The following COL18A1 variants were observed in gnomAD, a reference collection of about 807,000 sequenced individuals.
COL18A1 encodes the protein collagen type XVIII alpha 1 chain, also known as collagen alpha-1(XVIII) chain.
In COL18A1, 133 loss-of-function variants were observed where a neutral mutation model predicts 168.0. That is an observed-to-expected ratio of 0.79 (90% CI 0.69 to 0.91). COL18A1 has a LOEUF of 0.91. Among genes scored for constraint, COL18A1 ranks in the 40% least tolerant of loss-of-function variants. The pLI is 0.00. For synonymous variants in COL18A1, 949 were observed against 809.0 expected, an observed-to-expected ratio of 1.17 and a Z score of -2.94; for missense variants, 2,126 against 1,925.4, an observed-to-expected ratio of 1.10 and a Z score of -1.95.
At position 45,455,681 on chromosome 21, in the gene COL18A1, CCCCTGCCTGT is replaced by C. The variant is rs762647237; in HGVS notation, c.107-12560_107-12551del. 6.2e-7 allele frequency: 1 copy of C among 1,613,662 alleles called. No homozygotes were observed. The highest frequency in any genetic ancestry group is 8.5e-7 in the Non-Finnish European group (1 of 1,179,764). On this transcript the variant is annotated intron_variant, in intron 2 of 41. Transcript: ENST00000651438. ...TACCACGATCCCTGAGCCCCAGGGG[CCCCTGCCTGT>C]GCAGCCCACAGCAGATACCACCACA... is the stretch of plus-strand genomic sequence containing the variant.
At chr21:45,434,843 G>A (rs952120155) in intron 2 of COL18A1, among the ~76,000 whole-genome samples, 10 of 152,344 alleles carry the variant, frequency 6.6e-5, no homozygotes, top group African/African-American at 2.4e-4. Context: ...CTTTTGGGCT[G>A]TGCTGGGGTC....
chr21:45,456,877 T>A, intron 2 of COL18A1: 1 of 1,441,064 alleles, frequency 6.9e-7, no homozygotes, highest in Non-Finnish European at 9.1e-7. Context: ...TTGGGCCGGC[T>A]GCAGGTAACT....
intron 17 of COL18A1, 160 bp downstream of exon 17, chr21:45,487,669 C>G: frequency 1.1e-6 from 1 of 895,446 alleles, no homozygotes; most frequent in Non-Finnish European, 1.8e-6. Flanking sequence ...CGCGGGCCAC[C>G]CTTGTTCTTC....
rs2230687 is a variant in COL18A1, at chr21:45,476,389, C to T, written c.837C>T (p.Pro279=). The T allele has an allele frequency of 9.9e-6, 16 of 1,613,678 alleles. No individual in the cohort carries two copies. Among genetic ancestry groups the T allele is most frequent in the South Asian group, 3.3e-5 (3 of 91,048 alleles). The part of the protein sequence containing the change: ...ALKPRLPAPP[P]VTTPPLAGGS... ...AACCCAGGCTCCCCGCGCCACCCCC[C>T]GTCACCACGCCACCCTTGGCTGGAG... is the stretch of plus-strand genomic sequence containing the variant. The change falls in exon 6 of 42, where the codon CCC becomes CCT. Residue 279 remains proline (P), a synonymous_variant. Coordinates refer to ENST00000651438, the MANE Select transcript of COL18A1 (RefSeq NM_001379500.1).
At chr21:45,480,442 G>T in intron 11 of COL18A1, 25 bp from the exon 12 acceptor site, 1 of 1,614,102 alleles carries the variant, frequency 6.2e-7, no homozygotes, top group Non-Finnish European at 8.5e-7. Flanking sequence ...TCAGGGCAAC[G>T]TGTCTCTCCG....
chr21:45,504,330 G>T, intron 33 of COL18A1, 86 bp from the exon 34 acceptor site: 1 of 1,405,018 alleles, frequency 7.1e-7, no homozygotes, highest in Admixed American at 2.0e-5. Flanking sequence ...GCTTCTGACT[G>T]CCCAGCCCTG....
At position 45,477,466 on chromosome 21, in the gene COL18A1, C is replaced by T. The variant is rs563744859; in HGVS notation, c.984C>T (p.Thr328=). ...CCACGTGGGACGGGAGTGTCCGGAC[C>T]CCTGGGGGCCGCGTGAAAGAGGTAA... ...SVSTWDGSVR[T]PGGRVKEGGL... Residue 328 remains threonine, a synonymous_variant, in exon 7 of 42, where the codon ACC becomes ACT. Coordinates refer to ENST00000651438, the MANE Select transcript of COL18A1 (RefSeq NM_001379500.1). 6 of 1,611,960 alleles carry T rather than the reference C, an allele frequency of 3.7e-6. No individual in the cohort carries two copies. Among genetic ancestry groups the T allele is most frequent in the East Asian group, 4.5e-5 (2 of 44,808 alleles).
chr21:45,489,866 C>T (rs1259204041), intron 19 of COL18A1, among the ~76,000 whole-genome samples: 1 of 68,430 alleles, frequency 1.5e-5, no homozygotes, highest in African/African-American at 4.5e-5. Flanking sequence ...CCACTTGCCC[C>T]TCCCCCACAC....
chr21:45,511,979 A>C (rs1354436309), intron 41 of COL18A1, among the ~76,000 whole-genome samples: 3 of 152,078 alleles, frequency 2.0e-5, no homozygotes, highest in Admixed American at 6.5e-5. Context: ...TGTCTGGCAG[A>C]AGCAGCATGG....
chr21:45,481,691 G>A (rs969262951), intron 13 of COL18A1, among the ~76,000 whole-genome samples: 6 of 152,246 alleles, frequency 3.9e-5, no homozygotes, highest in African/African-American at 1.4e-4. Context: ...GCCTCTCAGA[G>A]GGAGCAGCGG....
intron 14 of COL18A1, 55 bp downstream of exon 14, chr21:45,482,080 C>T (rs1050929823): frequency 1.2e-5 from 17 of 1,440,758 alleles, no homozygotes; most frequent in Middle Eastern, 3.5e-4. Context: ...ACCATGTGGC[C>T]CGGGTCCGGG....
chr21:45,497,056 G>C lies in COL18A1; in HGVS notation c.2584G>C (p.Ala862Pro). ...GTPVYDSNVFAESSRPGPPGL... is the reference protein window; with the variant it reads ...GTPVYDSNVFPESSRPGPPGL... ...CTCTCCCCGTTCCTTGCAGGTGTTT[G>C]CTGAGTCCAGCCGCCCCGGGCCTCC... Residue 862 changes from alanine (A) to proline (P), a missense_variant, in exon 31 of 42, where the codon GCT becomes CCT. By Grantham distance (27) the Ala-to-Pro change is conservative. Transcript: ENST00000651438. The C allele has an allele frequency of 5.0e-6, 8 of 1,603,342 alleles. No homozygotes were observed. The highest frequency in any genetic ancestry group is 6.8e-6 in the Non-Finnish European group (8 of 1,175,192).
chr21:45,431,535 CTCGGCGG>C lies in COL18A1; in HGVS notation c.106+26063_106+26069del, dbSNP rs1214000800. Among the ~76,000 whole-genome samples, 28 of 130,502 alleles carry C rather than the reference CTCGGCGG, an allele frequency of 2.1e-4. 2 individuals are homozygous for C. The highest frequency in any genetic ancestry group is 7.6e-4 in the African/African-American group (24 of 31,446). The allele number at this position is 130,502 out of a possible 152,430, so 85.6% of individuals were successfully genotyped here. A position where few individuals can be genotyped will look rare whatever the true frequency, so the allele number is the denominator to read the frequency against. ...GCCCAGGGGAGGGGGGCAGGCAGGACTCGGCGGCCCAGGGGAGGGGGGCAGGCAGGAC... is the reference window on the plus strand; with the variant it reads ...GCCCAGGGGAGGGGGGCAGGCAGGACCCCAGGGGAGGGGGGCAGGCAGGAC... On this transcript the variant is annotated intron_variant, in intron 2 of 41. Transcript: ENST00000651438.
At chr21:45,405,591 C>A (rs1372239643) in intron 2 of COL18A1, 118 bp downstream of exon 2, 3 of 549,624 alleles carry the variant, frequency 5.5e-6, no homozygotes, top group Non-Finnish European at 7.7e-6. Flanking sequence ...TCAGCCCCGG[C>A]CCTGCCCACG....
At position 45,486,841 on chromosome 21, in the gene COL18A1, G is replaced by A. The variant is rs374576102; in HGVS notation, c.1702-20G>A. ...CGGGGGCTGGGCTGGGTCCTGACACGCTCTCCTCACCCCACGCAGGGGAGC... is the reference window on the plus strand; with the variant it reads ...CGGGGGCTGGGCTGGGTCCTGACACACTCTCCTCACCCCACGCAGGGGAGC... On this transcript the variant is annotated intron_variant, in intron 15 of 41. Coordinates refer to ENST00000651438, the MANE Select transcript of COL18A1 (RefSeq NM_001379500.1). 453 of 1,526,554 alleles carry A rather than the reference G, an allele frequency of 3.0e-4. 4 individuals carry two copies. Among genetic ancestry groups the A allele is most frequent in the Non-Finnish European group, 7.2e-5 (82 of 1,140,752 alleles). The allele number at this position is 1,526,554 out of a possible 1,614,324, so 94.6% of individuals were successfully genotyped here. A position where few individuals can be genotyped will look rare whatever the true frequency, so the allele number is the denominator to read the frequency against.
chr21:45,477,390 C>A (rs1183543453), intron 6 of COL18A1, 21 bp from the exon 7 acceptor site: 1 of 1,606,342 alleles, frequency 6.2e-7, no homozygotes, highest in Non-Finnish European at 8.5e-7. Flanking sequence ...TGACCGTGGC[C>A]ACCTCTGCTT....
At chr21:45,409,818 C>T (rs1263967717) in intron 2 of COL18A1, 3 of 152,282 alleles carry the variant, frequency 2.0e-5, no homozygotes, top group African/African-American at 4.8e-5. Flanking sequence ...GTAAAAGCCA[C>T]ATACCACACA....
chr21:45,498,380 T>C lies in COL18A1; in HGVS notation c.2683+719T>C, dbSNP rs1486941172. The C allele has an allele frequency of 1.5e-6, 1 of 655,680 alleles. No homozygotes were observed. The highest frequency in any genetic ancestry group is 2.8e-5 in the East Asian group (1 of 35,870). 40.6% of individuals were successfully genotyped at this position (655,680 alleles called of 1,614,324 possible). A position where few individuals can be genotyped will look rare whatever the true frequency, so the allele number is the denominator to read the frequency against. ...TCCCTCTCGCCACCACGGTCCCCTC[T>C]CGCCGCCAGGGTCCCCTCTCGCCGC... On this transcript the variant is annotated intron_variant, in intron 32 of 41. Transcript: ENST00000651438. This position sits in a 1 kb window ranked among gnomAD's most constrained non-coding sequence, Gnocchi z 4.5.
intron 39 of COL18A1, 140 bp from the exon 40 acceptor site, chr21:45,509,920 CTCAG>C: frequency 1.0e-6 from 1 of 955,878 alleles, no homozygotes; most frequent in Non-Finnish European, 1.5e-6. Flanking sequence ...GCCTGGGCCC[CTCAG>C]TGTGTCACTT....
Sources: allele counts gnomAD v4.1 joint callset (sites outside exome capture counted in the v4.1 genomes callset), GRCh38; gene constraint gnomAD v4.1.1; non-coding constraint Gnocchi (gnomAD v3.1); transcripts MANE v1.5; gene names NCBI Gene and HGNC (gene_info 2026-07-23, HGNC 2026-07-21).